PKD1: variants seen among roughly 807,000 people sequenced by gnomAD.
PKD1 encodes the protein polycystin-1.
A neutral mutation model predicts 361.7 loss-of-function variants in PKD1; 81 were observed. The observed-to-expected ratio is 0.22, with a 90% confidence interval of 0.19 to 0.27. The LOEUF is 0.27. Ranked by LOEUF, PKD1 falls within the 10% of genes least tolerant of loss-of-function variation. PKD1 has a pLI of 1.00. For missense variants in PKD1, 6,399 were observed against 6,118.3 expected, an observed-to-expected ratio of 1.05 and a Z score of -1.53; for synonymous variants, 3,615 against 2,818.3, an observed-to-expected ratio of 1.28 and a Z score of -8.95.
In PKD1 at chr16:2,114,419, G is replaced by A. The variant is rs1312842468; in HGVS notation, c.2604C>T (p.Ala868=). The change falls in exon 11 of 46, where the codon GCC becomes GCT. Residue 868 remains alanine (A), a synonymous_variant. Transcript: ENST00000262304. ...GGGCAGGGCAGACATTCTCAAAGCG[G>A]GCGCTGACACTGCCCCCAGGCCAGC... The part of the protein sequence containing the change: ...TARWPGGSVS[A]RFENVCPALV... 1.2e-6 allele frequency: 2 copies of A among 1,603,002 alleles called. No individual in the cohort carries two copies. Among genetic ancestry groups the A allele is most frequent in the East Asian group, 2.2e-5 (1 of 44,864 alleles).
Position 2,112,355 on chromosome 16 carries a change from T to A in PKD1, c.3280A>T (p.Thr1094Ser). The A allele has an allele frequency of 6.3e-7, 1 of 1,588,012 alleles. No individual in the cohort carries two copies. Among genetic ancestry groups the A allele is most frequent in the Non-Finnish European group, 8.5e-7 (1 of 1,174,882 alleles). The change falls in exon 14 of 46, where the codon ACC becomes TCC. Residue 1094 changes from threonine (T) to serine (S), a missense_variant. Coordinates refer to ENST00000262304, the MANE Select transcript of PKD1 (RefSeq NM_001009944.3). ...QVLVEHNVMH[T>S]YAAPGEYLLT... ...CATCCCTCACCTGGGGCAGCGTAGG[T>A]GTGCATGACATTGTGCTCCACCAGC...
chr16:2,110,144 C>T lies in PKD1; in HGVS notation c.5023G>A (p.Ala1675Thr). The T allele has an allele frequency of 1.2e-6, 2 of 1,609,820 alleles. No individual in the cohort carries two copies. The highest frequency in any genetic ancestry group is 1.1e-5 in the South Asian group (1 of 90,884). Residue 1675 changes from alanine to threonine, a missense_variant, in exon 15 of 46, where the codon GCC (alanine) becomes ACC (threonine). Coordinates refer to ENST00000262304, the MANE Select transcript of PKD1 (RefSeq NM_001009944.3). ...AAGCCTTTGCCGCTGCCGGCCAGGG[C>T]CGGGCCCCTGTCCCTCCAGGCAGTC... is the stretch of plus-strand genomic sequence containing the variant. Reference protein sequence around the residue: ...SWTAWRDRGPALAGSGKGFSL... With the variant: ...SWTAWRDRGPTLAGSGKGFSL...
At chr16:2,091,400 G>T in intron 42 of PKD1, 23 bp downstream of exon 42, 1 of 1,113,748 alleles carries the variant, frequency 9.0e-7, no homozygotes, top group Non-Finnish European at 1.1e-6. Context: ...GGAGGCGCGG[G>T]GTCTGGCCGG....
rs2092068220 is a variant in PKD1 at position 2,100,878 on chromosome 16, C to G, written c.9398-312G>C. On this transcript the variant is annotated intron_variant, in intron 26 of 45. Coordinates refer to ENST00000262304, the MANE Select transcript of PKD1 (RefSeq NM_001009944.3). The surrounding 1 kb of genome is among the most constrained non-coding windows in gnomAD (Gnocchi z 4.4). ...CACACCTGTCCACGCCTCAGTCATG[C>G]CACAACCGGTGACCCGCACCACACA... The G allele has an allele frequency of 2.1e-6, 1 of 470,960 alleles. No homozygotes were observed. The highest frequency in any genetic ancestry group is 2.0e-5 in the African/African-American group (1 of 50,790). The allele number at this position is 470,960 out of a possible 1,614,324, so 29.2% of individuals were successfully genotyped here.
At chr16:2,093,424 T>C (rs575595966) in intron 37 of PKD1, 120 bp downstream of exon 37, 221 of 961,900 alleles carry the variant, frequency 2.3e-4, no homozygotes, top group Middle Eastern at 2.3e-3. Flanking sequence ...CTGCAGAGCA[T>C]TGAACCCCTA....
intron 1 of PKD1, chr16:2,120,363 T>C (rs1181914586): frequency 6.5e-6 from 1 of 153,726 alleles, no homozygotes; most frequent in African/African-American, 2.4e-5. Context: ...TTACACGACA[T>C]ACTAAAGGCC....
rs113000106 is a variant in PKD1, at chr16:2,115,550, G to C, written c.1925C>G (p.Pro642Arg). ...GGCTCCAGGGCACCAGCGTCCCCCT[G>C]GCATGCACGCGGGGGCCAGCTGGGT... Reference protein sequence around the residue: ...NRTQLAPACMPGGRWCPGANI... With the variant: ...NRTQLAPACMRGGRWCPGANI... Residue 642 changes from proline to arginine, a missense_variant, in exon 10 of 46, where the codon CCA (proline) becomes CGA (arginine). Pro to Arg is a moderately radical substitution (Grantham distance 103). Coordinates refer to ENST00000262304, the MANE Select transcript of PKD1 (RefSeq NM_001009944.3). 1.9e-6 allele frequency: 3 copies of C among 1,588,150 alleles called. No homozygotes were observed. The highest frequency in any genetic ancestry group is 2.3e-5 in the East Asian group (1 of 44,274).
rs997720002 is a variant in PKD1, at chr16:2,089,543, G to A, written c.*184C>T. 7.2e-6 allele frequency: 5 copies of A among 694,038 alleles called. No individual in the cohort carries two copies. The highest frequency in any genetic ancestry group is 1.2e-5 in the Non-Finnish European group (5 of 411,310). 43.0% of individuals were successfully genotyped at this position (694,038 alleles called of 1,614,324 possible). A position where few individuals can be genotyped will look rare whatever the true frequency, so the allele number is the denominator to read the frequency against. On this transcript the variant is annotated 3_prime_UTR_variant, in exon 46 of 46. Coordinates refer to ENST00000262304, the MANE Select transcript of PKD1 (RefSeq NM_001009944.3). Reference sequence around the variant, plus strand: ...AAGGGAGCTGGGGAGGGGACCCTGGGTCCTGGTTGGCCACACAGCCTCTTT... The same window carrying A: ...AAGGGAGCTGGGGAGGGGACCCTGGATCCTGGTTGGCCACACAGCCTCTTT...
intron 34 of PKD1, chr16:2,095,531 G>A (rs2091810582): frequency 6.6e-6 from 1 of 152,340 alleles, no homozygotes; most frequent in Non-Finnish European, 1.5e-5. Flanking sequence ...TGGCCAATAG[G>A]GAGGCATGGA....
Position 2,106,424 on chromosome 16 carries a change from G to A in PKD1, c.7463C>T (p.Thr2488Ile), listed in dbSNP as rs755367165. The change falls in exon 18 of 46, where the codon ACC (threonine) becomes ATC (isoleucine). Residue 2488 changes from threonine (T) to isoleucine (I), a missense_variant. Transcript: ENST00000262304. This position sits in a 1 kb window ranked among gnomAD's most constrained non-coding sequence, Gnocchi z 6.5. ...LFPLGAVHAL[T>I]TKVHFECTGW... Reference sequence around the variant, plus strand: ...CGTGCATTCGAAGTGCACCTTGGTGGTGAGGGCGTGCACAGCGCCCAGTGG... The same window carrying A: ...CGTGCATTCGAAGTGCACCTTGGTGATGAGGGCGTGCACAGCGCCCAGTGG... 2.3e-4 allele frequency: 370 copies of A among 1,588,676 alleles called. No homozygotes were observed. Among genetic ancestry groups the A allele is most frequent in the Admixed American group, 1.9e-3 (111 of 57,000 alleles).
chr16:2,090,120 C>G lies in PKD1; in HGVS notation c.12519G>C (p.Pro4173=). ...SRSSRGSKVS[P]DVPPPSAGSD... is the part of the protein sequence containing the mutation. ...AGCCAGCGCTGGGTGGGGGCACATC[C>G]GGGGATACCTTGGAGCCCCTGGAGG... Residue 4173 remains proline, a synonymous_variant, in exon 46 of 46, where the codon CCG becomes CCC. Transcript: ENST00000262304. 6.2e-7 allele frequency: 1 copy of G among 1,600,216 alleles called. No individual in the cohort carries two copies. The highest frequency in any genetic ancestry group is 1.1e-5 in the South Asian group (1 of 90,196).
rs536259127 is a variant in PKD1 at position 2,115,560 on chromosome 16, C to A, written c.1915G>T (p.Ala639Ser). The change falls in exon 10 of 46, where the codon GCG (alanine) becomes TCG (serine). Residue 639 changes from alanine to serine, a missense_variant. Physicochemically the swap from Ala to Ser is moderately conservative, Grantham distance 99 (BLOSUM62 1). Coordinates refer to ENST00000262304, the MANE Select transcript of PKD1 (RefSeq NM_001009944.3). ...CACCAGCGTCCCCCTGGCATGCACG[C>A]GGGGGCCAGCTGGGTCCTGTTGTCC... The part of the protein sequence containing the change: ...SPDNRTQLAP[A>S]CMPGGRWCPG... 6.3e-7 allele frequency: 1 copy of A among 1,589,352 alleles called. No homozygotes were observed. The highest frequency in any genetic ancestry group is 1.3e-5 in the African/African-American group (1 of 74,104).
At chr16:2,099,112 G>T in intron 30 of PKD1, 1 of 257,472 alleles carries the variant, frequency 3.9e-6, no homozygotes, top group East Asian at 1.1e-4. Flanking sequence ...GATTACAGGC[G>T]TGAGCCACCG....
chr16:2,110,012 C>T lies in PKD1; in HGVS notation c.5155G>A (p.Gly1719Arg). 5 of 1,610,348 alleles carry T rather than the reference C, an allele frequency of 3.1e-6. No homozygotes were observed. Among genetic ancestry groups the T allele is most frequent in the Non-Finnish European group, 4.2e-6 (5 of 1,179,630 alleles). Residue 1719 changes from glycine (G) to arginine (R), a missense_variant, in exon 15 of 46, where the codon GGG becomes AGG. Coordinates refer to ENST00000262304, the MANE Select transcript of PKD1 (RefSeq NM_001009944.3). ...GGGGAGGCGGCCACCATCAGCCACC[C>T]CACAGGCTCCACGAAGTCCATGGTG... The part of the protein sequence containing the change: ...DCTMDFVEPV[G>R]WLMVAASPNP...
In PKD1 at chr16:2,092,605, C is replaced by T; in HGVS notation, c.11157-13G>A. Reference sequence around the variant, plus strand: ...GAGCTCCTCAGACCTGCCACAGCATCAGTCACACGCTCCAGCCCCTACTGC... The same window carrying T: ...GAGCTCCTCAGACCTGCCACAGCATTAGTCACACGCTCCAGCCCCTACTGC... On this transcript the variant is annotated splice_polypyrimidine_tract_variant and intron_variant, in intron 38 of 45. Transcript: ENST00000262304. 1.9e-6 allele frequency: 3 copies of T among 1,565,746 alleles called. No individual in the cohort carries two copies. Among genetic ancestry groups the T allele is most frequent in the Non-Finnish European group, 2.6e-6 (3 of 1,139,506 alleles).
At chr16:2,096,872 TA>T (rs1355095321) in intron 34 of PKD1, 20 of 536,270 alleles carry the variant, frequency 3.7e-5, no homozygotes, top group Non-Finnish European at 6.7e-5. Context: ...GAGACCAAGA[TA>T]AAAACGTGGC....
chr16:2,110,959 C>T lies in PKD1; in HGVS notation c.4208G>A (p.Cys1403Tyr), dbSNP rs763775525. 6 of 1,610,602 alleles carry T rather than the reference C, an allele frequency of 3.7e-6. No homozygotes were observed. The highest frequency in any genetic ancestry group is 5.1e-6 in the Non-Finnish European group (6 of 1,179,766). The stretch of plus-strand genomic sequence containing the variant: ...GCGGTAGGGGAACGGGGGCCAGGCA[C>T]ATGCCACCAGCCAGGCCTCGTCCCC... ...QLGDEAWLVA[C>Y]AWPPFPYRYT... Residue 1403 changes from cysteine to tyrosine, a missense_variant, in exon 15 of 46, where the codon TGT becomes TAT. Cys to Tyr is a radical substitution (Grantham distance 194, BLOSUM62 -2). Transcript: ENST00000262304.
rs748078397 is a variant in PKD1 at position 2,116,601 on chromosome 16, A to G, written c.1650T>C (p.Ser550=). 5.1e-6 allele frequency: 8 copies of G among 1,565,676 alleles called. No individual in the cohort carries two copies. The highest frequency in any genetic ancestry group is 6.9e-6 in the Non-Finnish European group (8 of 1,160,132). The change falls in exon 8 of 46, where the codon AGT becomes AGC. Residue 550 remains serine (S), a synonymous_variant. Transcript: ENST00000262304. ...GCGTCAGGGGTCCCTGCAGGTCCCC[A>G]CTGGGCGCTCCCACGAGGAGGTTCT... ...DAENLLVGAP[S]GDLQGPLTPL...
intron 37 of PKD1, 24 bp from the exon 38 acceptor site, chr16:2,093,117 G>T (rs756169976): frequency 1.9e-6 from 3 of 1,611,508 alleles, no homozygotes; most frequent in Non-Finnish European, 2.5e-6. Flanking sequence ...GGGCCCTGTG[G>T]TCAGCCTGGC....
Sources: gnomAD v4.1 joint callset for allele counts on GRCh38, gnomAD v4.1.1 for gene constraint, Gnocchi (gnomAD v3.1) non-coding constraint, MANE v1.5 for transcripts, NCBI Gene and HGNC (gene_info 2026-07-23, HGNC 2026-07-21) for gene names.